The following SCAMP4 variants were observed in gnomAD, a reference collection of about 807,000 sequenced individuals.
The protein encoded by SCAMP4 is secretory carrier membrane protein 4, also known as secretory carrier-associated membrane protein 4.
In SCAMP4, 19 loss-of-function variants were observed where a neutral mutation model predicts 32.1. The ratio of observed to expected loss-of-function variants is 0.59; its 90% CI spans 0.41 to 0.87. The LOEUF is 0.87. Among genes scored for constraint, SCAMP4 ranks in the 40% least tolerant of loss-of-function variants. SCAMP4 has a pLI of 0.00. For missense variants in SCAMP4, 302 were observed against 309.0 expected (o/e 0.98, Z 0.17); for synonymous variants, 152 against 132.7 (o/e 1.15, Z -1.00).
chr19:1,924,427 C>T lies in SCAMP4; in HGVS notation c.*143C>T. 1 of 683,844 alleles carries T rather than the reference C, an allele frequency of 1.5e-6. No individual in the cohort carries two copies. Among genetic ancestry groups the T allele is most frequent in the Non-Finnish European group, 2.5e-6 (1 of 402,748 alleles). The allele number at this position is 683,844 out of a possible 1,614,324, so 42.4% of individuals were successfully genotyped here. On this transcript the variant is annotated 3_prime_UTR_variant, in exon 7 of 7. Transcript: ENST00000316097. ...GCCGGTGGTGGCCACGGACCGCCCC[C>T]CTCCTGCCAGGGCCACAGAACCCGT...
intron 2 of SCAMP4, among the ~76,000 whole-genome samples, chr19:1,917,306 A>G (rs536937804): frequency 6.6e-6 from 1 of 151,870 alleles, no homozygotes; most frequent in Non-Finnish European, 1.5e-5. Flanking sequence ...ACTCCGTCTC[A>G]AAAAAAGAGT....
chr19:1,918,193 G>A lies in SCAMP4; in HGVS notation c.203G>A (p.Gly68Glu). 1 of 1,612,608 alleles carries A rather than the reference G, an allele frequency of 6.2e-7. No individual in the cohort carries two copies. The highest frequency in any genetic ancestry group is 8.5e-7 in the Non-Finnish European group (1 of 1,179,830). ...GCCTGGTGGATCGGCGGAGGCTCGG[G>A]GACCAACTTCGGCCTGGCCTTCGTG... ...CLAWWIGGGS[G>E]TNFGLAFVWL... The change falls in exon 4 of 7, where the codon GGG becomes GAG. Residue 68 changes from glycine to glutamate, a missense_variant. By Grantham distance (98) the Gly-to-Glu change is moderately conservative (BLOSUM62 -2). Coordinates refer to ENST00000316097, the MANE Select transcript of SCAMP4 (RefSeq NM_079834.4).
rs2014033357 is a variant in SCAMP4 at position 1,924,374 on chromosome 19, C to T, written c.*90C>T. On this transcript the variant is annotated 3_prime_UTR_variant, in exon 7 of 7. Coordinates refer to ENST00000316097, the MANE Select transcript of SCAMP4 (RefSeq NM_079834.4). ...TCCCGAGGGCTGGGAGTACCTGGGG[C>T]CCCATCCCCCCAGCTGGGATGGTGG... is the stretch of plus-strand genomic sequence containing the variant. The T allele has an allele frequency of 2.4e-6, 3 of 1,227,558 alleles. No homozygotes were observed. Among genetic ancestry groups the T allele is most frequent in the Non-Finnish European group, 3.4e-6 (3 of 882,256 alleles). The allele number at this position is 1,227,558 out of a possible 1,614,324, so 76.0% of individuals were successfully genotyped here.
chr19:1,915,621 G>A (rs1258363283), intron 2 of SCAMP4: 6 of 157,314 alleles, frequency 3.8e-5, no homozygotes, highest in Admixed American at 6.0e-5. Flanking sequence ...GGAGCAGGGC[G>A]AGCTCTCATC....
At chr19:1,913,026 C>T in intron 1 of SCAMP4, 1 of 1,605,188 alleles carries the variant, frequency 6.2e-7, no homozygotes, top group African/African-American at 1.3e-5. Flanking sequence ...CTACGGTGCG[C>T]CCTCGCCCGA....
At chr19:1,919,150 C>A in intron 5 of SCAMP4, 160 bp downstream of exon 5, 4 of 1,445,514 alleles carry the variant, frequency 2.8e-6, no homozygotes, top group Non-Finnish European at 3.6e-6. Context: ...CCCGCGTCCT[C>A]GCCAGCGCCC....
intron 2 of SCAMP4, among the ~76,000 whole-genome samples, chr19:1,916,906 T>C (rs1420147575): frequency 1.3e-5 from 2 of 152,354 alleles, no homozygotes; most frequent in African/African-American, 4.8e-5. Flanking sequence ...CCGGAGGGAA[T>C]GATACTAAAT....
chr19:1,913,495 T>A (rs1368074881), intron 1 of SCAMP4: 2 of 381,688 alleles, frequency 5.2e-6, no homozygotes, highest in Non-Finnish European at 4.9e-6. Flanking sequence ...GGGTCCCGAG[T>A]GGGGTGGGGT....
Position 1,924,367 on chromosome 19 carries a change from C to T in SCAMP4, c.*83C>T. On this transcript the variant is annotated 3_prime_UTR_variant, in exon 7 of 7. Coordinates refer to ENST00000316097, the MANE Select transcript of SCAMP4 (RefSeq NM_079834.4). ...CCCCTGGTCCCGAGGGCTGGGAGTA[C>T]CTGGGGCCCCATCCCCCCAGCTGGG... is the stretch of plus-strand genomic sequence containing the variant. The T allele has an allele frequency of 5.1e-6, 7 of 1,383,160 alleles. No individual in the cohort carries two copies. The highest frequency in any genetic ancestry group is 6.9e-6 in the Non-Finnish European group (7 of 1,020,936). The allele number at this position is 1,383,160 out of a possible 1,614,324, so 85.7% of individuals were successfully genotyped here.
At chr19:1,917,555 C>T (rs2013773013) in intron 2 of SCAMP4, 139 bp from the exon 3 acceptor site, 1 of 879,020 alleles carries the variant, frequency 1.1e-6, no homozygotes, top group East Asian at 2.7e-5. Flanking sequence ...CCTCTCCTGT[C>T]TCAGCGTCCT....
chr19:1,912,589 TCTC>T (rs781160641), intron 1 of SCAMP4: 42 of 1,493,814 alleles, frequency 2.8e-5, no homozygotes, highest in Non-Finnish European at 3.5e-5. Flanking sequence ...GGGCGGCTCT[TCTC>T]CACGCAGGAG....
chr19:1,925,597 A>G lies in SCAMP4; in HGVS notation c.*1313A>G, dbSNP rs2014073290. The G allele has an allele frequency of 1.3e-5, 2 of 152,808 alleles. No individual in the cohort carries two copies. The allele number at this position is 152,808 out of a possible 1,614,324, so 9.5% of individuals were successfully genotyped here. On this transcript the variant is annotated 3_prime_UTR_variant, in exon 7 of 7. Coordinates refer to ENST00000316097, the MANE Select transcript of SCAMP4 (RefSeq NM_079834.4). ...TCATCATTTCCTGCACTCGCTGACC[A>G]CAACTTTGGACACCCCAGGCTGCCA...
At chr19:1,917,207 G>C (rs1189033515) in intron 2 of SCAMP4, among the ~76,000 whole-genome samples, 2 of 152,210 alleles carry the variant, frequency 1.3e-5, no homozygotes, top group Non-Finnish European at 2.9e-5. Flanking sequence ...TTGGGAGGCT[G>C]AGGCAGAAGA....
chr19:1,915,944 GAAAA>G (rs11336283), intron 2 of SCAMP4, among the ~76,000 whole-genome samples: 1 of 136,782 alleles, frequency 7.3e-6, no homozygotes, highest in Non-Finnish European at 1.6e-5. Flanking sequence ...GACTGTCTCA[GAAAA>G]AAAAAAAAGA....
At chr19:1,918,582 T>C (rs2013812380) in intron 4 of SCAMP4, 2 of 496,540 alleles carry the variant, frequency 4.0e-6, no homozygotes, top group African/African-American at 1.9e-5. Context: ...GCCAACATGG[T>C]GAAACGCTGT....
chr19:1,912,411 C>G, intron 1 of SCAMP4: 11 of 1,514,124 alleles, frequency 7.3e-6, no homozygotes, highest in Non-Finnish European at 9.7e-6. Flanking sequence ...CCCGCGCTCG[C>G]TGGCTGAGCT....
chr19:1,920,441 C>T (rs2013882491), intron 5 of SCAMP4: 2 of 621,896 alleles, frequency 3.2e-6, no homozygotes, highest in South Asian at 1.4e-4. Context: ...CTCTCCCCTC[C>T]TGCACCTGCG....
chr19:1,913,855 A>T (rs1437204627), intron 1 of SCAMP4, among the ~76,000 whole-genome samples: 1 of 152,174 alleles, frequency 6.6e-6, no homozygotes, highest in Non-Finnish European at 1.5e-5. Context: ...TTGCCTGACC[A>T]TGTGGGTGCA....
chr19:1,913,121 G>A (rs1174370035), intron 1 of SCAMP4: 3 of 1,583,516 alleles, frequency 1.9e-6, no homozygotes, highest in Admixed American at 3.5e-5. Context: ...TGCTGGAGGA[G>A]CAGTGCCGCT....
Sources: gnomAD v4.1 joint callset for allele counts (sites outside exome capture counted in the v4.1 genomes callset) on GRCh38, gnomAD v4.1.1 for gene constraint, MANE v1.5 for transcripts, NCBI Gene and HGNC (gene_info 2026-07-23, HGNC 2026-07-21) for gene names.